Variants in ZNF34 observed in about 807,000 individuals in gnomAD.
ZNF34 encodes the protein zinc finger protein 34, also known as zinc finger protein 34 (KOX 32).
A neutral mutation model predicts 14.4 loss-of-function variants in ZNF34; 8 were observed. The observed-to-expected ratio is 0.55, with a 90% CI of 0.33 to 1.00. The LOEUF is 1.00. Ranked by LOEUF, ZNF34 falls within the 50% of genes least tolerant of loss-of-function variation. ZNF34 has a pLI of 0.03. For synonymous variants in ZNF34, 235 were observed against 247.9 expected (o/e 0.95, Z 0.49); for missense variants, 538 against 674.2 (o/e 0.80, Z 2.24).
rs1331180570 is a variant in ZNF34, at chr8:144,777,074, A to G, written c.280+384T>C. On this transcript the variant is annotated intron_variant, in intron 5 of 5. Coordinates refer to ENST00000429371, the MANE Select transcript of ZNF34 (RefSeq NM_001286769.2). The surrounding 1 kb of genome is among the most constrained non-coding windows in gnomAD (Gnocchi z 4.8). ...TCCGCAGTGTATTAATTTAGAAGAG[A>G]GGGGAATTAAATGATAGCTCCATCA... Among the ~76,000 whole-genome samples, 1 of 151,962 alleles carries G rather than the reference A, an allele frequency of 6.6e-6. No homozygotes were observed. Among genetic ancestry groups the G allele is most frequent in the African/African-American group, 2.4e-5 (1 of 41,354 alleles).
At chr8:144,778,721 CT>C (rs796264773) in intron 2 of ZNF34, among the ~76,000 whole-genome samples, 196 bp from the exon 3 acceptor site, 22 of 151,784 alleles carry the variant, frequency 1.4e-4, no homozygotes, top group Admixed American at 3.9e-4. Context: ...AGCTCCACCT[CT>C]TTTTTTTCTT....
intron 1 of ZNF34, 109 bp from the exon 2 acceptor site, chr8:144,780,389 T>C: frequency 4.9e-6 from 4 of 820,348 alleles, no homozygotes; most frequent in Non-Finnish European, 1.9e-6. Flanking sequence ...TTAAAGCTTT[T>C]TATTTAAGTA....
rs900707218 is a variant in ZNF34 at position 144,777,023 on chromosome 8, C to G, written c.280+435G>C. ...ACAACTATGTCTGGGTAGTGAGATTCAGGGTGATGTGTAGTCTCTCACTTT... is the reference window on the plus strand; with the variant it reads ...ACAACTATGTCTGGGTAGTGAGATTGAGGGTGATGTGTAGTCTCTCACTTT... On this transcript the variant is annotated intron_variant, in intron 5 of 5. Coordinates refer to ENST00000429371, the MANE Select transcript of ZNF34 (RefSeq NM_001286769.2). The surrounding 1 kb of genome is among the most constrained non-coding windows in gnomAD (Gnocchi z 4.8). Among the ~76,000 whole-genome samples, 1 of 151,874 alleles carries G rather than the reference C, an allele frequency of 6.6e-6. No homozygotes were observed. The highest frequency in any genetic ancestry group is 1.5e-5 in the Non-Finnish European group (1 of 67,996).
chr8:144,777,702 T>C lies in ZNF34; in HGVS notation c.161-125A>G, dbSNP rs1586731371. The C allele has an allele frequency of 1.7e-6, 2 of 1,208,886 alleles. No individual in the cohort carries two copies. The highest frequency in any genetic ancestry group is 5.1e-5 in the East Asian group (2 of 38,994). 74.9% of individuals were successfully genotyped at this position (1,208,886 alleles called of 1,614,324 possible). A position where few individuals can be genotyped will look rare whatever the true frequency, so the allele number is the denominator to read the frequency against. ...GGGGGTGATGGAAGCCTGGACACTC[T>C]CTGGAGGGCACTGAGATTGGGCTGG... On this transcript the variant is annotated intron_variant, in intron 4 of 5. Transcript: ENST00000429371. This position sits in a 1 kb window ranked among gnomAD's most constrained non-coding sequence, Gnocchi z 4.8.
intron 2 of ZNF34, among the ~76,000 whole-genome samples, chr8:144,778,913 G>A (rs1036690028): frequency 7.2e-5 from 11 of 152,018 alleles, no homozygotes; most frequent in Non-Finnish European, 1.3e-4. Context: ...GCTGAGGCAG[G>A]ACTAGCTTGT....
At chr8:144,781,701 A>C (rs1200645224) in intron 1 of ZNF34, among the ~76,000 whole-genome samples, 2 of 152,336 alleles carry the variant, frequency 1.3e-5, no homozygotes, top group Non-Finnish European at 2.9e-5. Flanking sequence ...AAATCCCAAA[A>C]GAATATATCA....
In ZNF34 at chr8:144,785,106, C is replaced by CAAAAAAAAAAAAAAAAA. The variant is rs749277788; in HGVS notation, c.-108+2156_-108+2172dup. On this transcript the variant is annotated intron_variant, in intron 1 of 5. Coordinates refer to ENST00000429371, the MANE Select transcript of ZNF34 (RefSeq NM_001286769.2). ...CACTCCAGCCTTAGCCAGACCCTGCCAAAAAAAAAAAAAAAAAAAAAAAGA... is the reference window on the plus strand; with the variant it reads ...CACTCCAGCCTTAGCCAGACCCTGCCAAAAAAAAAAAAAAAAAAAAAAAAAAAAAAAAAAAAAAAAGA... Among the ~76,000 whole-genome samples the CAAAAAAAAAAAAAAAAA allele has an allele frequency of 8.0e-5, 4 of 50,070 alleles. 1 individual carries two copies. The highest frequency in any genetic ancestry group is 7.8e-5 in the Non-Finnish European group (2 of 25,734). The allele number at this position is 50,070 out of a possible 152,430, so 32.8% of individuals were successfully genotyped here. A position where few individuals can be genotyped will look rare whatever the true frequency, so the allele number is the denominator to read the frequency against.
At chr8:144,783,924 G>A (rs1212680271) in intron 1 of ZNF34, among the ~76,000 whole-genome samples, 1 of 152,186 alleles carries the variant, frequency 6.6e-6, no homozygotes, top group Non-Finnish European at 1.5e-5. Flanking sequence ...CAGCACTTTG[G>A]GAGGCCAAGG....
chr8:144,775,551 G>A (rs1409569553), intron 5 of ZNF34, among the ~76,000 whole-genome samples: 2 of 152,176 alleles, frequency 1.3e-5, no homozygotes, highest in Admixed American at 6.5e-5. Context: ...AGACCACACT[G>A]CTACTCCATG....
chr8:144,774,310 A>G lies in ZNF34; in HGVS notation c.576T>C (p.His192=). The G allele has an allele frequency of 6.2e-7, 1 of 1,612,634 alleles. No individual in the cohort carries two copies. The highest frequency in any genetic ancestry group is 1.1e-5 in the South Asian group (1 of 90,930). ...SFEQRSYLNN[H]KRVHRSKKTN... ...TTTTTTTTGACCTGTGTACACGCTT[A>G]TGGTTGTTGAGATATGATCTCTGTT... Residue 192 remains histidine, a synonymous_variant, in exon 6 of 6, where the codon CAT becomes CAC. Coordinates refer to ENST00000429371, the MANE Select transcript of ZNF34 (RefSeq NM_001286769.2).
chr8:144,779,565 T>C lies in ZNF34; in HGVS notation c.-55+663A>G, dbSNP rs1053972846. Among the ~76,000 whole-genome samples, 2 of 152,164 alleles carry C rather than the reference T, an allele frequency of 1.3e-5. No homozygotes were observed. Among genetic ancestry groups the C allele is most frequent in the African/African-American group, 4.8e-5 (2 of 41,466 alleles). On this transcript the variant is annotated intron_variant, in intron 2 of 5. Coordinates refer to ENST00000429371, the MANE Select transcript of ZNF34 (RefSeq NM_001286769.2). This position sits in a 1 kb window ranked among gnomAD's most constrained non-coding sequence, Gnocchi z 4.1. Reference sequence around the variant, plus strand: ...ACTCCGCTGGACTTCATAGCCCCCATGGCCTGGTGTTGGGTCTGATCACCC... The same window carrying C: ...ACTCCGCTGGACTTCATAGCCCCCACGGCCTGGTGTTGGGTCTGATCACCC...
Position 144,777,447 on chromosome 8 carries a change from C to G in ZNF34, c.280+11G>C, listed in dbSNP as rs1257954645. On this transcript the variant is annotated intron_variant, in intron 5 of 5. Transcript: ENST00000429371. This position sits in a 1 kb window ranked among gnomAD's most constrained non-coding sequence, Gnocchi z 4.8. ...GGTGACTTGAGTTGGGGAGCAGATCCCCTCACGCACCTGGGCTGTTGACTC... is the reference window on the plus strand; with the variant it reads ...GGTGACTTGAGTTGGGGAGCAGATCGCCTCACGCACCTGGGCTGTTGACTC... The G allele has an allele frequency of 6.4e-7, 1 of 1,550,864 alleles. No individual in the cohort carries two copies. Among genetic ancestry groups the G allele is most frequent in the Non-Finnish European group, 8.7e-7 (1 of 1,146,630 alleles).
At chr8:144,778,879 C>T (rs1048147626) in intron 2 of ZNF34, among the ~76,000 whole-genome samples, 16 of 152,036 alleles carry the variant, frequency 1.1e-4, no homozygotes, top group African/African-American at 2.4e-4. Context: ...ACTACAGGCG[C>T]GCACCACCAC....
chr8:144,778,144 G>T lies in ZNF34; in HGVS notation c.54C>A (p.Asp18Glu), dbSNP rs371444149. 1.2e-6 allele frequency: 2 copies of T among 1,613,246 alleles called. No individual in the cohort carries two copies. The highest frequency in any genetic ancestry group is 2.7e-5 in the African/African-American group (2 of 74,896). Reference protein sequence around the residue: ...APPQAEVTFEDVAVYLSREEW... With the variant: ...APPQAEVTFEEVAVYLSREEW... Reference sequence around the variant, plus strand: ...CCTCCCGGGAGAGGTACACAGCCACGTCCTCGAAGGTCACCTCGGCCTGGA... The same window carrying T: ...CCTCCCGGGAGAGGTACACAGCCACTTCCTCGAAGGTCACCTCGGCCTGGA... Residue 18 changes from aspartate (D) to glutamate (E), a missense_variant, in exon 4 of 6, where the codon GAC becomes GAA. Coordinates refer to ENST00000429371, the MANE Select transcript of ZNF34 (RefSeq NM_001286769.2).
intron 1 of ZNF34, among the ~76,000 whole-genome samples, chr8:144,780,571 T>G (rs1825802447): frequency 6.6e-6 from 1 of 150,986 alleles, no homozygotes; most frequent in African/African-American, 2.4e-5. Context: ...GTGGATCACC[T>G]GAGGTCAGGA....
In ZNF34 at chr8:144,773,861, T is replaced by C. The variant is rs965632526; in HGVS notation, c.1025A>G (p.Tyr342Cys). 2.5e-6 allele frequency: 4 copies of C among 1,614,030 alleles called. No homozygotes were observed. Among genetic ancestry groups the C allele is most frequent in the Non-Finnish European group, 3.4e-6 (4 of 1,180,024 alleles). The change falls in exon 6 of 6, where the codon TAT becomes TGT. Residue 342 changes from tyrosine to cysteine, a missense_variant. Around this residue, in one of 3 missense-constraint regions of ZNF34, gnomAD observed 431 missense variants for 525.7 expected, o/e 0.82. Coordinates refer to ENST00000429371, the MANE Select transcript of ZNF34 (RefSeq NM_001286769.2). This position sits in a 1 kb window ranked among gnomAD's most constrained non-coding sequence, Gnocchi z 5.4. ...HQRIHTGEKP[Y>C]KCNDCGKAFS... ...GGCTTTCCCGCAGTCATTACATTTA[T>C]AGGGTTTCTCTCCGGTGTGGATTCT... is the stretch of plus-strand genomic sequence containing the variant.
At chr8:144,778,186 C>T in intron 3 of ZNF34, 22 bp from the exon 4 acceptor site, 1 of 1,602,982 alleles carries the variant, frequency 6.2e-7, no homozygotes, top group Non-Finnish European at 8.5e-7. Flanking sequence ...GGGACTACTG[C>T]AGCCCAGGTG....
chr8:144,780,591 C>T (rs1207671842), intron 1 of ZNF34, among the ~76,000 whole-genome samples: 1 of 151,874 alleles, frequency 6.6e-6, no homozygotes, highest in African/African-American at 2.4e-5. Flanking sequence ...AGTTCGAGAC[C>T]AGCCTGGCCA....
rs1312830207 is a variant in ZNF34 at position 144,774,518 on chromosome 8, G to C, written c.368C>G (p.Ala123Gly). The change falls in exon 6 of 6, where the codon GCC becomes GGC. Residue 123 changes from alanine (A) to glycine (G), a missense_variant. Ala to Gly is a moderately conservative substitution (Grantham distance 60, BLOSUM62 0). Coordinates refer to ENST00000429371, the MANE Select transcript of ZNF34 (RefSeq NM_001286769.2). ...EDPQGSEPVE[A>G]CDHISKSEGS... ...CTCTGACTTACTGATGTGGTCACAG[G>C]CTTCTACTGGCTCAGATCCCTGGGG... is the stretch of plus-strand genomic sequence containing the variant. 1.2e-6 allele frequency: 2 copies of C among 1,613,808 alleles called. No individual in the cohort carries two copies. The highest frequency in any genetic ancestry group is 2.2e-5 in the East Asian group (1 of 44,884).
Sources: gnomAD v4.1 joint callset for allele counts (sites outside exome capture counted in the v4.1 genomes callset) on GRCh38, gnomAD v4.1.1 for gene constraint, gnomAD v4.1.1 regional missense constraint, Gnocchi (gnomAD v3.1) non-coding constraint, MANE v1.5 for transcripts, NCBI Gene and HGNC (gene_info 2026-07-23, HGNC 2026-07-21) for gene names.